Variants in CADM1 observed in about 807,000 individuals in gnomAD.
CADM1 encodes the protein TSLC-1.
A neutral mutation model predicts 53.1 loss-of-function variants in CADM1; 15 were observed. The ratio of observed to expected loss-of-function variants is 0.28; its 90% CI spans 0.19 to 0.44. The LOEUF (loss-of-function observed/expected upper bound fraction) is 0.44. Ranked by LOEUF, CADM1 falls within the 20% of genes least tolerant of loss-of-function variation. The probability of loss-of-function intolerance (pLI) is 1.00; values close to 1 mark genes in which losing one functional copy is unlikely to be tolerated. For missense variants in CADM1, 434 were observed against 611.3 expected (o/e 0.71, Z 3.06); for synonymous variants, 281 against 243.0 (o/e 1.16, Z -1.45).
At chr11:115,471,917 T>G (rs949350349) in intron 1 of CADM1, among the ~76,000 whole-genome samples, 1 of 152,110 alleles carries the variant, frequency 6.6e-6, no homozygotes, top group African/African-American at 2.4e-5. Flanking sequence ...GTACAGAAGC[T>G]AGCAGGCATT....
chr11:115,360,928 T>C (rs1379696476), intron 1 of CADM1, among the ~76,000 whole-genome samples: 1 of 152,366 alleles, frequency 6.6e-6, no homozygotes, highest in East Asian at 1.9e-4. Context: ...GATACAGTTG[T>C]AGTCCTCACG....
chr11:115,336,288 AC>A (rs1945265374), intron 1 of CADM1, among the ~76,000 whole-genome samples: 1 of 152,030 alleles, frequency 6.6e-6, no homozygotes, highest in Admixed American at 6.6e-5. Context: ...ATGTCAACAC[AC>A]CCAAAAAAGG....
At chr11:115,337,209 G>C (rs1047023636) in intron 1 of CADM1, among the ~76,000 whole-genome samples, 1 of 152,098 alleles carries the variant, frequency 6.6e-6, no homozygotes, top group African/African-American at 2.4e-5. Context: ...CTGCAACTAG[G>C]TCCTTGATGT....
intron 1 of CADM1, among the ~76,000 whole-genome samples, chr11:115,433,925 A>AT (rs1317099687): frequency 6.6e-6 from 1 of 152,214 alleles, no homozygotes; most frequent in Non-Finnish European, 1.5e-5. Flanking sequence ...ATAGGATTAC[A>AT]TTTTAGATTG....
intron 3 of CADM1, among the ~76,000 whole-genome samples, chr11:115,234,601 G>A (rs1379947867): frequency 6.6e-6 from 1 of 152,096 alleles, no homozygotes; most frequent in East Asian, 1.9e-4. Context: ...AGAAGCATTA[G>A]AAAATGTGCC....
chr11:115,236,273 C>T (rs1276511063), intron 3 of CADM1, among the ~76,000 whole-genome samples: 1 of 152,088 alleles, frequency 6.6e-6, no homozygotes, highest in African/African-American at 2.4e-5. Flanking sequence ...AACTCTAAAC[C>T]TTACGAGAAA....
chr11:115,437,853 G>C (rs1316484073), intron 1 of CADM1, among the ~76,000 whole-genome samples: 3 of 152,140 alleles, frequency 2.0e-5, no homozygotes, highest in Admixed American at 1.3e-4. Flanking sequence ...AGAGGAAAGG[G>C]GAGAATTTGA....
chr11:115,410,539 G>A (rs1947434665), intron 1 of CADM1, among the ~76,000 whole-genome samples: 2 of 152,080 alleles, frequency 1.3e-5, no homozygotes, highest in Admixed American at 1.3e-4. Flanking sequence ...GGAAGCAGAG[G>A]GTGCATTATG....
At chr11:115,286,108 GGTA>G (rs1943722090) in intron 1 of CADM1, among the ~76,000 whole-genome samples, 1 of 151,954 alleles carries the variant, frequency 6.6e-6, no homozygotes, top group Non-Finnish European at 1.5e-5. Context: ...TAAAAGAGGT[GGTA>G]GTTTAGATAT....
chr11:115,376,678 G>A (rs1268807118), intron 1 of CADM1, among the ~76,000 whole-genome samples: 1 of 152,134 alleles, frequency 6.6e-6, no homozygotes, highest in South Asian at 2.1e-4. Flanking sequence ...TGAGAGAATC[G>A]TGTCACGTGG....
At chr11:115,367,576 A>C (rs1946196608) in intron 1 of CADM1, among the ~76,000 whole-genome samples, 1 of 152,180 alleles carries the variant, frequency 6.6e-6, no homozygotes, top group Admixed American at 6.5e-5. Flanking sequence ...CCCACTGCCC[A>C]GTCAACCACT....
chr11:115,436,541 G>C (rs1177493626), intron 1 of CADM1, among the ~76,000 whole-genome samples: 2 of 152,134 alleles, frequency 1.3e-5, no homozygotes, highest in African/African-American at 4.8e-5. Flanking sequence ...AAATACAGCT[G>C]AGGTAATAAC....
chr11:115,272,906 A>T (rs965059979), intron 1 of CADM1, among the ~76,000 whole-genome samples: 8 of 152,090 alleles, frequency 5.3e-5, no homozygotes, highest in African/African-American at 9.7e-5. Context: ...TAATAAAAAA[A>T]TTTAAAAAAA....
chr11:115,177,920 A>G (rs1292155600), intron 11 of CADM1, among the ~76,000 whole-genome samples: 1 of 152,152 alleles, frequency 6.6e-6, no homozygotes, highest in Non-Finnish European at 1.5e-5. Flanking sequence ...AGCTCATTGC[A>G]CAGTGCTTGA....
intron 1 of CADM1, among the ~76,000 whole-genome samples, chr11:115,451,348 G>A (rs1948567373): frequency 6.6e-6 from 1 of 152,148 alleles, no homozygotes; most frequent in South Asian, 2.1e-4. Context: ...CATTGATACA[G>A]GTATGTAAGA....
chr11:115,237,175 G>C (rs564824398), intron 3 of CADM1, among the ~76,000 whole-genome samples: 4 of 152,154 alleles, frequency 2.6e-5, no homozygotes, highest in Non-Finnish European at 5.9e-5. Flanking sequence ...TCAAATTTAT[G>C]CTTGCGAATT....
chr11:115,373,130 A>G (rs1946349568), intron 1 of CADM1, among the ~76,000 whole-genome samples: 1 of 152,222 alleles, frequency 6.6e-6, no homozygotes, highest in Non-Finnish European at 1.5e-5. Context: ...GCAGAGCCTT[A>G]GTTGTGAGGT....
chr11:115,285,738 G>T (rs1166990098), intron 1 of CADM1, among the ~76,000 whole-genome samples: 1 of 152,094 alleles, frequency 6.6e-6, no homozygotes, highest in African/African-American at 2.4e-5. Flanking sequence ...CACACAGGCA[G>T]CTGGGGTTAC....
At chr11:115,411,620 A>G (rs1442611580) in intron 1 of CADM1, among the ~76,000 whole-genome samples, 1 of 152,198 alleles carries the variant, frequency 6.6e-6, no homozygotes, top group Non-Finnish European at 1.5e-5. Context: ...AGAAAAAAGT[A>G]CAATTCTTTG....
Sources: allele counts gnomAD v4.1 joint callset (sites outside exome capture counted in the v4.1 genomes callset), GRCh38; gene constraint gnomAD v4.1.1; transcripts MANE v1.5; gene names NCBI Gene and HGNC (gene_info 2026-07-23, HGNC 2026-07-21).